PSEN2: variants seen among roughly 807,000 people sequenced by gnomAD.
PSEN2 encodes presenilin-2.
PSEN2 carries 32 observed loss-of-function variants against 49.1 expected under a neutral mutation model. That is an observed-to-expected ratio of 0.65 (90% CI 0.49 to 0.88). The LOEUF (loss-of-function observed/expected upper bound fraction) is 0.88. Among genes scored for constraint, PSEN2 ranks in the 40% least tolerant of loss-of-function variants. The pLI, the probability that PSEN2 is intolerant of heterozygous loss-of-function variation, is 0.00. For missense variants in PSEN2, 522 were observed against 586.9 expected, an observed-to-expected ratio of 0.89 and a Z score of 1.14; for synonymous variants, 255 against 244.0, an observed-to-expected ratio of 1.05 and a Z score of -0.42.
rs7530286 is a variant in PSEN2 at position 226,889,214 on chromosome 1, G to A, written c.787+165G>A. ...AGTCGCCTTTGTAAAACAGAGGGGG[G>A]TCCACTATTTCTGGAACACTCCTGG... is the stretch of plus-strand genomic sequence containing the variant. On this transcript the variant is annotated intron_variant, in intron 8 of 12. Coordinates refer to ENST00000366783, the MANE Select transcript of PSEN2 (RefSeq NM_000447.3). Among the ~76,000 whole-genome samples, 86 of 152,100 alleles carry A rather than the reference G, an allele frequency of 5.7e-4. 1 individual carries two copies. Among genetic ancestry groups the A allele is most frequent in the Non-Finnish European group, 1.5e-4 (10 of 68,020 alleles).
At chr1:226,871,230 C>T (rs1359229466) in intron 1 of PSEN2, 32 bp from the exon 2 acceptor site, 5 of 152,252 alleles carry the variant, frequency 3.3e-5, no homozygotes, top group African/African-American at 1.2e-4. Flanking sequence ...GAGCCGGTTT[C>T]TGTTAGCAGC....
intron 6 of PSEN2, among the ~76,000 whole-genome samples, chr1:226,887,102 A>C (rs1338576990): frequency 6.6e-6 from 1 of 152,124 alleles, no homozygotes; most frequent in African/African-American, 2.4e-5. Context: ...TGCGTGGCAG[A>C]TGTGAAGAGC....
Position 226,883,706 on chromosome 1 carries a change from GA to G in PSEN2, c.145del (p.Ser49AlafsTer31), listed in dbSNP as rs1420282492. 2 of 1,613,738 alleles carry G rather than the reference GA, an allele frequency of 1.2e-6. No homozygotes were observed. Among genetic ancestry groups the G allele is most frequent in the African/African-American group, 2.7e-5 (2 of 74,928 alleles). ...PEDGENTAQW[R>X]SQENEEDGEE... ...CCCTCACGATGTGGTTTCCCACAGA[GA>G]AGCCAGGAGAACGAGGAGGACGGTG... On this transcript the variant is annotated frameshift_variant and splice_region_variant, in exon 5 of 13. Transcript: ENST00000366783. LOFTEE classifies it high-confidence loss of function.
intron 12 of PSEN2, 102 bp from the exon 13 acceptor site, chr1:226,895,322 T>C: frequency 7.3e-7 from 1 of 1,376,208 alleles, no homozygotes; most frequent in Admixed American, 1.8e-5. Context: ...GTTATCCGAC[T>C]GGTCCTCGAA....
chr1:226,897,667 C>T (rs1662197181), downstream of PSEN2: 1 of 155,256 alleles, frequency 6.4e-6, no homozygotes, highest in South Asian at 2.0e-4. Context: ...GTTCAAACAC[C>T]TGTATCTCCC....
rs1412353129 is a variant in PSEN2 at position 226,880,729 on chromosome 1, A to G, written c.-20-1159A>G. ...AACCTGCATGTGTAGATTTTGGTACACTGGGTCCCCCACTTGGTACTACTG... is the reference window on the plus strand; with the variant it reads ...AACCTGCATGTGTAGATTTTGGTACGCTGGGTCCCCCACTTGGTACTACTG... On this transcript the variant is annotated intron_variant, in intron 3 of 12. Coordinates refer to ENST00000366783, the MANE Select transcript of PSEN2 (RefSeq NM_000447.3). 4 of 1,610,326 alleles carry G rather than the reference A, an allele frequency of 2.5e-6. No individual in the cohort carries two copies. In the Admixed American group the frequency reaches 5.0e-5, roughly 20 times the overall value.
intron 3 of PSEN2, among the ~76,000 whole-genome samples, chr1:226,880,057 A>C (rs540854872): frequency 6.6e-5 from 10 of 152,320 alleles, no homozygotes; most frequent in African/African-American, 2.4e-4. Flanking sequence ...GACTTGGTGG[A>C]AGGAACCTGC....
rs11405 is a variant in PSEN2, at chr1:226,881,976, T to G, written c.69T>G (p.Ala23=). ...ATGAGCGGACGTCCCTAATGTCGGC[T>G]GAGAGCCCCACGCCGCGCTCCTGCC... is the stretch of plus-strand genomic sequence containing the variant. ...VCDERTSLMS[A]ESPTPRSCQE... Residue 23 remains alanine, a synonymous_variant, in exon 4 of 13, where the codon GCT becomes GCG. Coordinates refer to ENST00000366783, the MANE Select transcript of PSEN2 (RefSeq NM_000447.3). 6.2e-7 allele frequency: 1 copy of G among 1,614,006 alleles called. No individual in the cohort carries two copies. The highest frequency in any genetic ancestry group is 8.5e-7 in the Non-Finnish European group (1 of 1,179,986).
At chr1:226,879,799 G>A (rs1004456386) in intron 3 of PSEN2, among the ~76,000 whole-genome samples, 1 of 152,166 alleles carries the variant, frequency 6.6e-6, no homozygotes, top group African/African-American at 2.4e-5. Context: ...GCTTTTAGCT[G>A]GCTTTGCTTC....
Position 226,883,934 on chromosome 1 carries a change from TG to T in PSEN2, c.356+21del. On this transcript the variant is annotated intron_variant, in intron 5 of 12. Transcript: ENST00000366783. Reference sequence around the variant, plus strand: ...AATGGACAGCTGTGAGTTGGGGGGCTGGGGGGAGCAGGGTGGGGTGAGGGCT... The same window carrying T: ...AATGGACAGCTGTGAGTTGGGGGGCTGGGGGAGCAGGGTGGGGTGAGGGCT... The T allele has an allele frequency of 4.5e-5, 18 of 399,390 alleles. No homozygotes were observed. Among genetic ancestry groups the T allele is most frequent in the Non-Finnish European group, 5.2e-5 (15 of 286,754 alleles). 24.7% of individuals were successfully genotyped at this position (399,390 alleles called of 1,614,324 possible). A position where few individuals can be genotyped will look rare whatever the true frequency, so the allele number is the denominator to read the frequency against.
intron 11 of PSEN2, among the ~76,000 whole-genome samples, chr1:226,893,219 C>T (rs1248790962): frequency 6.6e-6 from 1 of 152,214 alleles, no homozygotes; most frequent in Admixed American, 6.5e-5. Context: ...GTCTGAGCCA[C>T]AGCACCCGGC....
At chr1:226,873,158 CAA>C (rs1460026183) in intron 2 of PSEN2, among the ~76,000 whole-genome samples, 1 of 149,348 alleles carries the variant, frequency 6.7e-6, no homozygotes, top group Non-Finnish European at 1.5e-5. Context: ...GCCTGGGCAA[CAA>C]GAGCAAAACT....
intron 7 of PSEN2, among the ~76,000 whole-genome samples, chr1:226,888,572 C>T (rs1431821569): frequency 3.3e-5 from 5 of 152,214 alleles, no homozygotes; most frequent in African/African-American, 1.2e-4. Flanking sequence ...ACTGGGAGGA[C>T]AAGAGAAAAC....
At chr1:226,889,516 C>T (rs535423166) in intron 8 of PSEN2, among the ~76,000 whole-genome samples, 221 of 152,238 alleles carry the variant, frequency 1.5e-3, no homozygotes, top group Non-Finnish European at 2.6e-3. Context: ...ACCTTGTGAT[C>T]GGCCCGCCTC....
chr1:226,901,111 T>A (rs551994094), downstream of PSEN2, among the ~76,000 whole-genome samples: 3 of 152,110 alleles, frequency 2.0e-5, no homozygotes, highest in Non-Finnish European at 4.4e-5. Context: ...ATAACAAGCA[T>A]GGGCTGCCAT....
Position 226,888,156 on chromosome 1 carries a change from T to C in PSEN2, c.564T>C (p.Leu188=). 2 of 1,611,640 alleles carry C rather than the reference T, an allele frequency of 1.2e-6. No individual in the cohort carries two copies. Among genetic ancestry groups the C allele is most frequent in the Non-Finnish European group, 1.7e-6 (2 of 1,177,798 alleles). ...TGTTCCTCTTCACCTATATCTACCT[T>C]GGGTAAGTGACAGATAAGCAGCAGG... is the stretch of plus-strand genomic sequence containing the variant. ...MLLFLFTYIY[L]GEVLKTYNVA... is the part of the protein sequence containing the mutation. Residue 188 remains leucine, a splice_region_variant and synonymous_variant, in exon 7 of 13, where the codon CTT becomes CTC. Transcript: ENST00000366783.
Position 226,895,755 on chromosome 1 carries a change from A to C in PSEN2, c.*176A>C, listed in dbSNP as rs1031898325. ...GCTCTTTGGTGCCAGCTGTTTCATC[A>C]CCAGACTTTGGCTCCCGCTTTGGGG... is the stretch of plus-strand genomic sequence containing the variant. On this transcript the variant is annotated 3_prime_UTR_variant, in exon 13 of 13. Transcript: ENST00000366783. 3.8e-6 allele frequency: 3 copies of C among 785,174 alleles called. No individual in the cohort carries two copies. The highest frequency in any genetic ancestry group is 6.0e-6 in the Non-Finnish European group (3 of 500,136). The allele number at this position is 785,174 out of a possible 1,614,324, so 48.6% of individuals were successfully genotyped here.
intron 2 of PSEN2, among the ~76,000 whole-genome samples, chr1:226,874,631 C>T (rs1363678419): frequency 6.6e-6 from 1 of 152,242 alleles, no homozygotes; most frequent in Non-Finnish European, 1.5e-5. Flanking sequence ...TGTCCTTTCT[C>T]ACTGTGTCCC....
downstream of PSEN2, among the ~76,000 whole-genome samples, chr1:226,897,185 G>A (rs191135589): frequency 1.3e-5 from 2 of 152,152 alleles, no homozygotes; most frequent in East Asian, 1.9e-4. Context: ...GTGACAACTC[G>A]CAAGAGGTTA....
Sources: gnomAD v4.1 joint callset for allele counts (sites outside exome capture counted in the v4.1 genomes callset) on GRCh38, gnomAD v4.1.1 for gene constraint, MANE v1.5 for transcripts, NCBI Gene and HGNC (gene_info 2026-07-23, HGNC 2026-07-21) for gene names.